The following DLGAP1 variants were observed in gnomAD, a reference collection of about 807,000 sequenced individuals.
The protein encoded by DLGAP1 is DLG associated protein 1, also known as disks large-associated protein 1.
A neutral mutation model predicts 90.8 loss-of-function variants in DLGAP1; 11 were observed. The observed-to-expected ratio is 0.12, with a 90% CI of 0.08 to 0.20. DLGAP1 has a LOEUF of 0.20. DLGAP1 is among the 10% of genes least tolerant of loss of function. The probability of loss-of-function intolerance (pLI) is 1.00; values close to 1 mark genes in which losing one functional copy is unlikely to be tolerated. For missense variants in DLGAP1, 1,050 were observed against 1,333.8 expected (o/e 0.79, Z 3.31); for synonymous variants, 558 against 540.7 (o/e 1.03, Z -0.44).
chr18:3,803,985 TATATATA>T (rs2066441941), intron 5 of DLGAP1, among the ~76,000 whole-genome samples: 1 of 97,084 alleles, frequency 1.0e-5, no homozygotes, highest in South Asian at 3.7e-4. Flanking sequence ...TATATATATA[TATATATA>T]TATATATATA....
chr18:4,441,931 G>C (rs1009250538), intron 1 of DLGAP1, among the ~76,000 whole-genome samples: 1 of 152,202 alleles, frequency 6.6e-6, no homozygotes, highest in African/African-American at 2.4e-5. Context: ...TCAATTATCA[G>C]CTCCACCCAT....
chr18:3,598,138 C>T (rs75519433), intron 7 of DLGAP1: 1 of 152,214 alleles, frequency 6.6e-6, no homozygotes, highest in Non-Finnish European at 1.5e-5. Flanking sequence ...ATCACAAGGT[C>T]AAGAGATCAA....
intron 7 of DLGAP1, among the ~76,000 whole-genome samples, chr18:3,663,399 G>A (rs1283099740): frequency 6.6e-6 from 1 of 152,214 alleles, no homozygotes; most frequent in Non-Finnish European, 1.5e-5. Context: ...AAGCATGGAT[G>A]ACTAACGATG....
chr18:3,814,618 C>A (rs974744900), intron 4 of DLGAP1, among the ~76,000 whole-genome samples: 4 of 152,122 alleles, frequency 2.6e-5, no homozygotes, highest in African/African-American at 9.7e-5. Flanking sequence ...GCCTCGGCCT[C>A]CCAAAGTGCT....
At chr18:4,222,413 C>G (rs540577283) in intron 1 of DLGAP1, among the ~76,000 whole-genome samples, 2 of 152,186 alleles carry the variant, frequency 1.3e-5, no homozygotes, top group African/African-American at 4.8e-5. Context: ...CACCAAAATT[C>G]CCAGCATGAT....
chr18:4,208,294 T>C (rs1245006495), intron 1 of DLGAP1, among the ~76,000 whole-genome samples: 1 of 152,240 alleles, frequency 6.6e-6, no homozygotes, highest in Non-Finnish European at 1.5e-5. Context: ...TAAATTGTAA[T>C]TGTTTCCAGA....
At chr18:3,541,918 G>A (rs1026697529) in intron 9 of DLGAP1, among the ~76,000 whole-genome samples, 2 of 151,434 alleles carry the variant, frequency 1.3e-5, no homozygotes, top group African/African-American at 4.9e-5. Flanking sequence ...AAAAAAAAAA[G>A]GGGTAACAGT....
At chr18:3,523,716 G>A (rs9946908) in intron 10 of DLGAP1, among the ~76,000 whole-genome samples, 2,838 of 152,028 alleles carry the variant, frequency 0.019, 46 homozygotes, top group African/African-American at 0.034. Flanking sequence ...GCGTGGTGGC[G>A]TGCGCCCGTA....
At chr18:3,574,878 A>G (rs1044528564) in intron 8 of DLGAP1, among the ~76,000 whole-genome samples, 5 of 150,880 alleles carry the variant, frequency 3.3e-5, no homozygotes, top group South Asian at 2.1e-4. Context: ...GCAGTGGCAC[A>G]ATCTTGGCTC....
chr18:4,200,830 C>T (rs2077593754), intron 1 of DLGAP1, among the ~76,000 whole-genome samples: 3 of 152,138 alleles, frequency 2.0e-5, no homozygotes, highest in African/African-American at 7.2e-5. Context: ...TGGTCACAAT[C>T]CTTATAGTGA....
intron 9 of DLGAP1, among the ~76,000 whole-genome samples, chr18:3,548,200 T>C (rs1458336919): frequency 6.6e-6 from 1 of 152,224 alleles, no homozygotes; most frequent in Non-Finnish European, 1.5e-5. Context: ...TAAATGTAGT[T>C]AATGCCACTG....
intron 8 of DLGAP1, among the ~76,000 whole-genome samples, 200 bp downstream of exon 8, chr18:3,581,675 A>AAG (rs973034978): frequency 6.6e-6 from 1 of 151,658 alleles, no homozygotes; most frequent in Non-Finnish European, 1.5e-5. Flanking sequence ...AAAAAAAAAA[A>AAG]AAAAGAAAAG....
intron 2 of DLGAP1, among the ~76,000 whole-genome samples, chr18:4,070,036 G>A (rs1333166676): frequency 1.3e-5 from 2 of 151,514 alleles, no homozygotes; most frequent in African/African-American, 4.9e-5. Flanking sequence ...AGGCTGGAGT[G>A]CAGTGGTATG....
chr18:3,609,723 T>G (rs2057505483), intron 7 of DLGAP1, among the ~76,000 whole-genome samples: 1 of 151,828 alleles, frequency 6.6e-6, no homozygotes, highest in South Asian at 2.1e-4. Flanking sequence ...CTTTTTTCTT[T>G]CCTTCCTAGA....
chr18:3,618,467 T>A (rs1441702947), intron 7 of DLGAP1, among the ~76,000 whole-genome samples: 1 of 151,638 alleles, frequency 6.6e-6, no homozygotes, highest in Non-Finnish European at 1.5e-5. Flanking sequence ...ATGGACTTGG[T>A]GGAATTTAGG....
chr18:4,249,070 A>G (rs150260841), intron 1 of DLGAP1, among the ~76,000 whole-genome samples: 12 of 152,212 alleles, frequency 7.9e-5, no homozygotes, highest in Non-Finnish European at 1.6e-4. Context: ...TCACTCCCCT[A>G]TTGAAAATCC....
intron 7 of DLGAP1, among the ~76,000 whole-genome samples, chr18:3,643,324 A>G (rs927882154): frequency 6.6e-6 from 1 of 152,166 alleles, no homozygotes. Flanking sequence ...TCTCTAATAT[A>G]TAACTCCAAC....
At chr18:3,645,798 T>C (rs1191294860) in intron 7 of DLGAP1, among the ~76,000 whole-genome samples, 1 of 152,224 alleles carries the variant, frequency 6.6e-6, no homozygotes, top group African/African-American at 2.4e-5. Flanking sequence ...CATCTTTCTG[T>C]CCCCATGGCC....
chr18:3,694,898 C>T (rs1276826347), intron 7 of DLGAP1, among the ~76,000 whole-genome samples: 4 of 149,690 alleles, frequency 2.7e-5, no homozygotes, highest in African/African-American at 9.8e-5. Context: ...TCCCATTTGT[C>T]AATTTTGGCT....
Sources: allele counts gnomAD v4.1 joint callset (sites outside exome capture counted in the v4.1 genomes callset), GRCh38; gene constraint gnomAD v4.1.1; transcripts MANE v1.5; gene names NCBI Gene and HGNC (gene_info 2026-07-23, HGNC 2026-07-21).